IFT88: variants seen among roughly 807,000 people sequenced by gnomAD.
The protein encoded by IFT88 is intraflagellar transport 88, also known as intraflagellar transport protein 88 homolog.
A neutral mutation model predicts 119.5 loss-of-function variants in IFT88; 74 were observed. The ratio of observed to expected loss-of-function variants is 0.62; its 90% CI spans 0.51 to 0.75. The LOEUF is 0.75. IFT88 is among the 30% of genes least tolerant of loss of function. The probability of loss-of-function intolerance (pLI) is 0.00; values close to 1 mark genes in which losing one functional copy is unlikely to be tolerated. For missense variants in IFT88, 961 were observed against 977.7 expected, an observed-to-expected ratio of 0.98 and a Z score of 0.23; for synonymous variants, 279 against 316.7, an observed-to-expected ratio of 0.88 and a Z score of 1.26.
In IFT88 at chr13:20,663,624, A is replaced by G; in HGVS notation, c.2175+20A>G. 4 of 1,512,308 alleles carry G rather than the reference A, an allele frequency of 2.6e-6. No individual in the cohort carries two copies. The highest frequency in any genetic ancestry group is 3.7e-6 in the Non-Finnish European group (4 of 1,092,404). 93.7% of individuals were successfully genotyped at this position (1,512,308 alleles called of 1,614,324 possible). ...GAACAGGTATCTCATATGGGCCCCAAACTGCAGTCTGTTAATTTTTAGAAT... is the reference window on the plus strand; with the variant it reads ...GAACAGGTATCTCATATGGGCCCCAGACTGCAGTCTGTTAATTTTTAGAAT... On this transcript the variant is annotated intron_variant, in intron 23 of 25. Coordinates refer to ENST00000351808, the MANE Select transcript of IFT88 (RefSeq NM_006531.5).
intron 24 of IFT88, among the ~76,000 whole-genome samples, chr13:20,682,447 A>G (rs529645299): frequency 2.8e-3 from 426 of 152,360 alleles, no homozygotes; most frequent in Middle Eastern, 6.8e-3. Flanking sequence ...TAGATTACTC[A>G]TGGCATAGGT....
intron 2 of IFT88, among the ~76,000 whole-genome samples, chr13:20,579,090 C>T (rs915567976): frequency 1.3e-5 from 2 of 152,096 alleles, no homozygotes; most frequent in African/African-American, 2.4e-5. Flanking sequence ...TTTTCTAGTT[C>T]GAGATGCATC....
At chr13:20,610,910 G>A (rs1375637777) in intron 13 of IFT88, among the ~76,000 whole-genome samples, 5 of 151,978 alleles carry the variant, frequency 3.3e-5, no homozygotes, top group African/African-American at 9.7e-5. Flanking sequence ...GTACCGAGGT[G>A]GGTGGATCAC....
chr13:20,638,241 CAGAA>C (rs1229710175), intron 16 of IFT88, 87 bp from the exon 17 acceptor site: 9 of 675,404 alleles, frequency 1.3e-5, no homozygotes, highest in African/African-American at 5.6e-5. Flanking sequence ...TTTATAATCT[CAGAA>C]AGTCTATTTA....
intron 14 of IFT88, among the ~76,000 whole-genome samples, chr13:20,623,897 G>A (rs1437910672): frequency 6.6e-6 from 1 of 152,094 alleles, no homozygotes; most frequent in African/African-American, 2.4e-5. Context: ...CACTGTTGTC[G>A]ATGGAATTGT....
intron 23 of IFT88, among the ~76,000 whole-genome samples, chr13:20,669,089 T>C (rs1217510685): frequency 6.6e-6 from 1 of 152,114 alleles, no homozygotes; most frequent in African/African-American, 2.4e-5. Flanking sequence ...TTTCTCTTGA[T>C]GAGTGAAGCA....
chr13:20,669,297 G>T (rs1594802980), intron 23 of IFT88, among the ~76,000 whole-genome samples: 2 of 152,148 alleles, frequency 1.3e-5, no homozygotes, highest in Non-Finnish European at 2.9e-5. Context: ...GATTATGGAA[G>T]TGCTTACTTA....
rs770914774 is a variant in IFT88, at chr13:20,574,472, C to T, written c.87C>T (p.Ile29=). 1.1e-5 allele frequency: 18 copies of T among 1,572,204 alleles called. No individual in the cohort carries two copies. In the Middle Eastern group the frequency reaches 5.0e-4, roughly 44 times the overall value. The change falls in exon 2 of 26, where the codon ATC becomes ATT. Residue 29 remains isoleucine, a synonymous_variant. Transcript: ENST00000351808. ...GYNDYNPIYD[I]EELENDAAFQ... The stretch of plus-strand genomic sequence containing the variant: ...ATGACTACAATCCAATCTATGATAT[C>T]GAGGTAACAAAAGCTAGTTGTTTTT...
intron 23 of IFT88, among the ~76,000 whole-genome samples, chr13:20,664,115 A>G (rs1391333416): frequency 6.6e-6 from 1 of 152,224 alleles, no homozygotes; most frequent in Admixed American, 6.5e-5. Context: ...AAGTAGACAT[A>G]AAATATATCA....
At chr13:20,596,275 A>C (rs1400302771) in intron 8 of IFT88, 35 bp downstream of exon 8, 3 of 979,476 alleles carry the variant, frequency 3.1e-6, no homozygotes, top group Non-Finnish European at 4.6e-6. Flanking sequence ...ATTATGAAGC[A>C]TTTATAGATG....
chr13:20,637,727 T>A (rs2442451), intron 16 of IFT88, among the ~76,000 whole-genome samples: 32,239 of 152,156 alleles, frequency 0.21, 3,946 homozygotes, highest in African/African-American at 0.31. Context: ...ATTCCAGATG[T>A]CACACAAGTT....
At position 20,687,467 on chromosome 13, in the gene IFT88, A is replaced by G. The variant is rs553027884; in HGVS notation, c.2243-3238A>G. 4.6e-5 allele frequency among the ~76,000 whole-genome samples: 7 copies of G among 152,326 alleles called. No individual in the cohort carries two copies. The South Asian group carries it at 1.2e-3, about 27-fold the overall frequency. ...TCTAACAGGCAAGGACCAGGCTGGC[A>G]GTCAGGAAGGCTGGGTTTTGGTGCT... On this transcript the variant is annotated intron_variant, in intron 24 of 25. Transcript: ENST00000351808.
At chr13:20,630,615 T>G (rs1394283839) in intron 15 of IFT88, among the ~76,000 whole-genome samples, 1 of 152,024 alleles carries the variant, frequency 6.6e-6, no homozygotes, top group Non-Finnish European at 1.5e-5. Context: ...CCCAGTCTAG[T>G]CTCAAACTCC....
chr13:20,645,361 A>C (rs1393083231), intron 20 of IFT88, among the ~76,000 whole-genome samples: 4 of 152,294 alleles, frequency 2.6e-5, no homozygotes, highest in African/African-American at 9.6e-5. Flanking sequence ...AAGTGCTGGG[A>C]TTACAGGCAT....
intron 24 of IFT88, among the ~76,000 whole-genome samples, chr13:20,671,886 G>A (rs2055928766): frequency 6.6e-6 from 1 of 152,154 alleles, no homozygotes. Context: ...TAGGAGTCAG[G>A]ACAAAGACAA....
intron 9 of IFT88, among the ~76,000 whole-genome samples, chr13:20,598,316 T>C (rs2042084421): frequency 6.6e-6 from 1 of 152,164 alleles, no homozygotes; most frequent in Non-Finnish European, 1.5e-5. Context: ...TAATTTATAT[T>C]TAGTTCACGA....
intron 25 of IFT88, 44 bp from the exon 26 acceptor site, chr13:20,691,010 G>A: frequency 6.3e-7 from 1 of 1,598,160 alleles, no homozygotes; most frequent in Non-Finnish European, 8.5e-7. Context: ...CATTTGTTTT[G>A]TTTGTTTACA....
intron 3 of IFT88, among the ~76,000 whole-genome samples, chr13:20,587,603 C>T (rs901933986): frequency 3.3e-5 from 5 of 152,046 alleles, no homozygotes; most frequent in African/African-American, 1.2e-4. Flanking sequence ...TTCTTGTACT[C>T]TCGTTGTGGG....
In IFT88 at chr13:20,674,724, A is replaced by ATAT. The variant is rs1263602871; in HGVS notation, c.2242+3686_2242+3687insATT. 2.0e-3 allele frequency among the ~76,000 whole-genome samples: 150 copies of ATAT among 73,812 alleles called. 2 individuals carry two copies. Among genetic ancestry groups the ATAT allele is most frequent in the East Asian group, 0.017 (37 of 2,174 alleles). 48.4% of individuals were successfully genotyped at this position (73,812 alleles called of 152,430 possible). A position where few individuals can be genotyped will look rare whatever the true frequency, so the allele number is the denominator to read the frequency against. On this transcript the variant is annotated intron_variant, in intron 24 of 25. Transcript: ENST00000351808. ...GTTTTATATATATATATATATATAT[A>ATAT]TTTTTTTTTTTTTTTTTTTTTGAGA...
Sources: allele counts gnomAD v4.1 joint callset (sites outside exome capture counted in the v4.1 genomes callset), GRCh38; gene constraint gnomAD v4.1.1; transcripts MANE v1.5; gene names NCBI Gene and HGNC (gene_info 2026-07-23, HGNC 2026-07-21).